THSD7A: variants seen among roughly 807,000 people sequenced by gnomAD.
THSD7A encodes the protein thrombospondin type 1 domain containing 7A, also known as thrombospondin type-1 domain-containing protein 7A.
Under a neutral mutation model 231.3 loss-of-function variants are expected in THSD7A, and 96 were observed. That is an observed-to-expected ratio of 0.41 (90% CI 0.35 to 0.49). The LOEUF is 0.49. Ranked by LOEUF, THSD7A falls within the 20% of genes least tolerant of loss-of-function variation. The probability of loss-of-function intolerance (pLI) is 0.05; values close to 1 mark genes in which losing one functional copy is unlikely to be tolerated. For synonymous variants in THSD7A, 940 were observed against 743.3 expected (o/e 1.26, Z -4.30); for missense variants, 2,290 against 2,070.2 (o/e 1.11, Z -2.06).
At chr7:11,541,657 T>C (rs1430513024) in intron 5 of THSD7A, 26 bp from the exon 6 acceptor site, 7 of 1,591,698 alleles carry the variant, frequency 4.4e-6, no homozygotes, top group Non-Finnish European at 5.2e-6. Context: ...AGGAAAAATC[T>C]ATTGTTACTA....
chr7:11,386,841 T>C (rs1398363527), intron 23 of THSD7A, among the ~76,000 whole-genome samples: 1 of 152,248 alleles, frequency 6.6e-6, no homozygotes, highest in African/African-American at 2.4e-5. Context: ...TTTACGGTTT[T>C]AGGTCTTGGG....
intron 6 of THSD7A, among the ~76,000 whole-genome samples, chr7:11,526,998 C>T (rs528669372): frequency 6.6e-6 from 1 of 152,270 alleles, no homozygotes; most frequent in East Asian, 1.9e-4. Context: ...GCCTAGGCAG[C>T]AGACTGAGAA....
At chr7:11,631,467 A>G (rs1781652072) in intron 2 of THSD7A, among the ~76,000 whole-genome samples, 1 of 152,164 alleles carries the variant, frequency 6.6e-6, no homozygotes, top group Non-Finnish European at 1.5e-5. Context: ...ACAAATTTAA[A>G]TATGTTAATA....
At chr7:11,638,681 A>G (rs1781961990) in intron 1 of THSD7A, among the ~76,000 whole-genome samples, 2 of 152,152 alleles carry the variant, frequency 1.3e-5, no homozygotes, top group South Asian at 4.1e-4. Flanking sequence ...GCTCATGCTT[A>G]TTAGTGATGT....
intron 1 of THSD7A, among the ~76,000 whole-genome samples, chr7:11,640,353 T>A (rs936161815): frequency 6.6e-6 from 1 of 152,186 alleles, no homozygotes; most frequent in African/African-American, 2.4e-5. Flanking sequence ...TAATTGTGGA[T>A]AAAGACAAAA....
chr7:11,793,797 T>C (rs1784037966), intron 1 of THSD7A, among the ~76,000 whole-genome samples: 1 of 151,934 alleles, frequency 6.6e-6, no homozygotes, highest in South Asian at 2.1e-4. Flanking sequence ...TTATGCTTAA[T>C]GTTGGCATGT....
intron 4 of THSD7A, among the ~76,000 whole-genome samples, chr7:11,559,237 G>T (rs1011191155): frequency 1.3e-5 from 2 of 152,302 alleles, no homozygotes; most frequent in African/African-American, 4.8e-5. Flanking sequence ...TCAGCTCCTT[G>T]ATTTTAGCTT....
In THSD7A at chr7:11,411,037, TCAG is replaced by T. The variant is rs1278432047; in HGVS notation, c.3798+167_3798+169del. On this transcript the variant is annotated intron_variant, in intron 19 of 27. Coordinates refer to ENST00000423059, the MANE Select transcript of THSD7A (RefSeq NM_015204.3). The surrounding 1 kb of genome is among the most constrained non-coding windows in gnomAD (Gnocchi z 4.1). ...AAATACAGGAAATTATATGTAGGAA[TCAG>T]TAGTGTTGGACATTGTGTCTTTTCA... Among the ~76,000 whole-genome samples the T allele has an allele frequency of 6.6e-6, 1 of 152,002 alleles. No homozygotes were observed.
chr7:11,664,564 A>G (rs1783049498), intron 1 of THSD7A, among the ~76,000 whole-genome samples: 1 of 152,026 alleles, frequency 6.6e-6, no homozygotes, highest in African/African-American at 2.4e-5. Context: ...AGCAGCAAAT[A>G]GCCATTGAAA....
chr7:11,382,474 G>T (rs369173997), intron 24 of THSD7A, 47 bp downstream of exon 24: 6 of 1,411,890 alleles, frequency 4.2e-6, no homozygotes, highest in African/African-American at 2.8e-5. Flanking sequence ...AATCACATGT[G>T]TGTTACAGGA....
rs1353340455 is a variant in THSD7A at position 11,600,193 on chromosome 7, GA to G, written c.1023-6692del. On this transcript the variant is annotated intron_variant, in intron 2 of 27. Coordinates refer to ENST00000423059, the MANE Select transcript of THSD7A (RefSeq NM_015204.3). Reference sequence around the variant, plus strand: ...ACTTAACACCATATTGTTTAGAATAGAAAAAAAATTAATATGTGCCTAAACA... The same window carrying G: ...ACTTAACACCATATTGTTTAGAATAGAAAAAAATTAATATGTGCCTAAACA... Among the ~76,000 whole-genome samples the G allele has an allele frequency of 2.0e-5, 3 of 151,614 alleles. No individual in the cohort carries two copies. In the East Asian group the frequency reaches 5.8e-4, roughly 29 times the overall value.
intron 25 of THSD7A, 26 bp downstream of exon 25, chr7:11,379,604 G>C: frequency 6.4e-7 from 1 of 1,555,696 alleles, no homozygotes; most frequent in Non-Finnish European, 8.7e-7. Context: ...GAGCTGGCTT[G>C]TCTGCCCTGA....
chr7:11,387,711 G>GC (rs1315879829), intron 23 of THSD7A, among the ~76,000 whole-genome samples: 1 of 151,964 alleles, frequency 6.6e-6, no homozygotes, highest in Admixed American at 6.6e-5. Flanking sequence ...TCTTTCTCTT[G>GC]CCTGAACGCC....
intron 1 of THSD7A, among the ~76,000 whole-genome samples, chr7:11,782,464 CT>C (rs1783664615): frequency 6.6e-6 from 1 of 152,066 alleles, no homozygotes. Context: ...CTCAGTAATT[CT>C]AGTATTTACC....
chr7:11,536,729 T>A (rs964350200), intron 6 of THSD7A, among the ~76,000 whole-genome samples: 1 of 152,148 alleles, frequency 6.6e-6, no homozygotes, highest in African/African-American at 2.4e-5. Context: ...GCTCGATGCA[T>A]CTTCATCCTT....
chr7:11,820,346 T>C, intron 1 of THSD7A: 1 of 1,028,582 alleles, frequency 9.7e-7, no homozygotes, highest in Non-Finnish European at 1.3e-6. Flanking sequence ...AAATTGTCCT[T>C]CTCTTCTCTG....
chr7:11,635,055 C>A (rs1039740956), intron 2 of THSD7A, among the ~76,000 whole-genome samples: 1 of 152,118 alleles, frequency 6.6e-6, no homozygotes, highest in Admixed American at 6.6e-5. Context: ...AAGAAGTTAA[C>A]ATGCAAATGT....
At chr7:11,753,409 C>T (rs368558248) in intron 1 of THSD7A, among the ~76,000 whole-genome samples, 49 of 152,086 alleles carry the variant, frequency 3.2e-4, no homozygotes, top group African/African-American at 1.1e-3. Context: ...TAACTTATAA[C>T]AAAGCTTGCT....
At chr7:11,625,564 AT>A (rs200376883) in intron 2 of THSD7A, among the ~76,000 whole-genome samples, 1 of 152,206 alleles carries the variant, frequency 6.6e-6, no homozygotes, top group African/African-American at 2.4e-5. Context: ...ATGATATGAG[AT>A]TTTAAAAAAA....
Sources: gnomAD v4.1 joint callset for allele counts (sites outside exome capture counted in the v4.1 genomes callset) on GRCh38, gnomAD v4.1.1 for gene constraint, Gnocchi (gnomAD v3.1) non-coding constraint, MANE v1.5 for transcripts, NCBI Gene and HGNC (gene_info 2026-07-23, HGNC 2026-07-21) for gene names.